The following ZNF713 variants were observed in gnomAD, a reference collection of about 807,000 sequenced individuals.
The protein encoded by ZNF713 is zinc finger protein 713.
Under a neutral mutation model 28.7 loss-of-function variants are expected in ZNF713, and 21 were observed. The observed-to-expected ratio is 0.73, with a 90% confidence interval of 0.52 to 1.05. ZNF713 has a LOEUF of 1.05. Among genes scored for constraint, ZNF713 ranks in the 50% least tolerant of loss-of-function variants. The probability of loss-of-function intolerance (pLI) is 0.00; values close to 1 mark genes in which losing one functional copy is unlikely to be tolerated. For missense variants in ZNF713, 458 were observed against 532.4 expected (o/e 0.86, Z 1.37); for synonymous variants, 167 against 178.0 (o/e 0.94, Z 0.49).
rs572637681 is a variant in ZNF713 at position 55,934,903 on chromosome 7, T to C, written c.308-4079T>C. On this transcript the variant is annotated intron_variant, in intron 6 of 6. Coordinates refer to ENST00000429591, the MANE Select transcript of ZNF713 (RefSeq NM_182633.3). The stretch of plus-strand genomic sequence containing the variant: ...CATTGCCTTTTTTTTTTTTTTTTTT[T>C]CCTGAGACGGAGTCTTGCTCTGTTG... Among the ~76,000 whole-genome samples, 335 of 149,964 alleles carry C rather than the reference T, an allele frequency of 2.2e-3. 1 individual carries two copies. The highest frequency in any genetic ancestry group is 7.4e-3 in the African/African-American group (301 of 40,410).
In ZNF713 at chr7:55,900,251, C is replaced by T. The variant is rs529803562; in HGVS notation, c.-582-6002C>T. Among the ~76,000 whole-genome samples the T allele has an allele frequency of 3.9e-5, 6 of 152,132 alleles. No individual in the cohort carries two copies. In the East Asian group the frequency reaches 5.8e-4, roughly 15 times the overall value. On this transcript the variant is annotated intron_variant, in intron 1 of 6. Coordinates refer to ENST00000429591, the MANE Select transcript of ZNF713 (RefSeq NM_182633.3). The stretch of plus-strand genomic sequence containing the variant: ...CTGGGAGGCCGAGGCAGGCGGATCA[C>T]GAGGTCAGGAGTTTGAGATCAGCCT...
In ZNF713 at chr7:55,940,160, T is replaced by C; in HGVS notation, c.*154T>C. On this transcript the variant is annotated 3_prime_UTR_variant, in exon 7 of 7. Coordinates refer to ENST00000429591, the MANE Select transcript of ZNF713 (RefSeq NM_182633.3). ...GTTTTTGAGACTGAGTCTCACTCTG[T>C]CACCCAGGCTGAAGTGCAGTGGTAC... 1 of 1,295,634 alleles carries C rather than the reference T, an allele frequency of 7.7e-7. No homozygotes were observed. The highest frequency in any genetic ancestry group is 1.5e-5 in the African/African-American group (1 of 66,672). The allele number at this position is 1,295,634 out of a possible 1,614,324, so 80.3% of individuals were successfully genotyped here. A position where few individuals can be genotyped will look rare whatever the true frequency, so the allele number is the denominator to read the frequency against.
intron 6 of ZNF713, among the ~76,000 whole-genome samples, chr7:55,932,449 C>T (rs1206204224): frequency 2.0e-5 from 3 of 149,614 alleles, no homozygotes; most frequent in Non-Finnish European, 4.4e-5. Flanking sequence ...CACTTGAGCC[C>T]AGGAGGTCAA....
intron 1 of ZNF713, among the ~76,000 whole-genome samples, chr7:55,888,662 G>C (rs1344513562): frequency 2.0e-5 from 3 of 152,120 alleles, no homozygotes; most frequent in African/African-American, 7.2e-5. Context: ...TTACAGGCAT[G>C]AGCCACGGCG....
intron 4 of ZNF713, among the ~76,000 whole-genome samples, chr7:55,914,677 C>T (rs570082109): frequency 6.6e-6 from 1 of 152,036 alleles, no homozygotes; most frequent in South Asian, 2.1e-4. Flanking sequence ...TGTGTTGATA[C>T]CAGCAGGTAG....
At chr7:55,918,184 A>T in intron 4 of ZNF713, 1 of 450,244 alleles carries the variant, frequency 2.2e-6, no homozygotes, top group South Asian at 1.6e-5. Context: ...AAACCCGACC[A>T]CCTTGTCAGG....
chr7:55,934,990 G>A (rs1026710700), intron 6 of ZNF713, among the ~76,000 whole-genome samples: 4 of 150,618 alleles, frequency 2.7e-5, no homozygotes, highest in African/African-American at 7.3e-5. Flanking sequence ...CTGGGTTCAA[G>A]TGATTCTCCT....
chr7:55,938,012 TG>T (rs1281473312), intron 6 of ZNF713, among the ~76,000 whole-genome samples: 23 of 152,136 alleles, frequency 1.5e-4, no homozygotes, highest in African/African-American at 5.6e-4. Context: ...GAGATCAGCC[TG>T]GCCAACATGG....
chr7:55,926,567 A>G (rs13241905), intron 6 of ZNF713, among the ~76,000 whole-genome samples: 3,434 of 152,312 alleles, frequency 0.023, 60 homozygotes, highest in African/African-American at 0.043. Context: ...GAGCTTATGC[A>G]GTCTAATTCT....
chr7:55,934,123 T>C (rs986625613), intron 6 of ZNF713, among the ~76,000 whole-genome samples: 1 of 152,168 alleles, frequency 6.6e-6, no homozygotes, highest in African/African-American at 2.4e-5. Context: ...AATAATAAAA[T>C]GGGAGGAAAG....
Position 55,939,290 on chromosome 7 carries a change from C to T in ZNF713, c.616C>T (p.Pro206Ser). The T allele has an allele frequency of 1.2e-6, 2 of 1,614,014 alleles. No homozygotes were observed. The highest frequency in any genetic ancestry group is 1.1e-5 in the South Asian group (1 of 91,074). The change falls in exon 7 of 7, where the codon CCC (proline) becomes TCC (serine). Residue 206 changes from proline to serine, a missense_variant. Pro to Ser is a moderately conservative substitution (Grantham distance 74). Coordinates refer to ENST00000429591, the MANE Select transcript of ZNF713 (RefSeq NM_182633.3). ...GCAGAGAATTCCTTCCATTAAAATA[C>T]CCCTGAATTCTGACACACAGGGAAA... ...MQQRIPSIKI[P>S]LNSDTQGNSI...
chr7:55,897,728 CAT>C (rs758944621), intron 1 of ZNF713, among the ~76,000 whole-genome samples: 2 of 152,134 alleles, frequency 1.3e-5, no homozygotes, highest in African/African-American at 2.4e-5. Context: ...GTCAATGAAA[CAT>C]ATTGCCATTA....
At chr7:55,901,653 G>T (rs1310011241) in intron 1 of ZNF713, among the ~76,000 whole-genome samples, 3 of 152,182 alleles carry the variant, frequency 2.0e-5, no homozygotes, top group Non-Finnish European at 4.4e-5. Context: ...GGTGCTGGAG[G>T]TTGCCATGCC....
At chr7:55,927,651 C>CT (rs1372621552) in intron 6 of ZNF713, among the ~76,000 whole-genome samples, 1 of 151,714 alleles carries the variant, frequency 6.6e-6, no homozygotes, top group Non-Finnish European at 1.5e-5. Flanking sequence ...AATCCCAGCA[C>CT]TTTGGGAGGC....
chr7:55,921,357 A>G (rs1187601276), intron 4 of ZNF713, among the ~76,000 whole-genome samples: 1 of 152,196 alleles, frequency 6.6e-6, no homozygotes, highest in Non-Finnish European at 1.5e-5. Context: ...AAGTCTTATT[A>G]TTTAAGACAT....
intron 1 of ZNF713, among the ~76,000 whole-genome samples, chr7:55,896,850 A>G (rs1370835353): frequency 2.0e-5 from 3 of 152,114 alleles, no homozygotes; most frequent in African/African-American, 7.2e-5. Flanking sequence ...GAAAAATGCT[A>G]GAGCCTGAAA....
At chr7:55,898,554 T>G (rs924897957) in intron 1 of ZNF713, among the ~76,000 whole-genome samples, 24 of 152,172 alleles carry the variant, frequency 1.6e-4, no homozygotes, top group African/African-American at 4.3e-4. Context: ...CACATGCTTT[T>G]AAGCCATCAG....
intron 6 of ZNF713, among the ~76,000 whole-genome samples, chr7:55,932,175 A>G (rs1786223364): frequency 6.6e-6 from 1 of 151,906 alleles, no homozygotes; most frequent in Non-Finnish European, 1.5e-5. Context: ...ATTTGTATAT[A>G]TTTTGTACAT....
At chr7:55,918,227 A>G in intron 4 of ZNF713, 1 of 378,900 alleles carries the variant, frequency 2.6e-6, no homozygotes, top group Non-Finnish European at 5.4e-6. Context: ...AGAAGCCCAT[A>G]TGGAGAGGAG....
Sources: allele counts gnomAD v4.1 joint callset (sites outside exome capture counted in the v4.1 genomes callset), GRCh38; gene constraint gnomAD v4.1.1; transcripts MANE v1.5; gene names NCBI Gene and HGNC (gene_info 2026-07-23, HGNC 2026-07-21).